The following FHIP2A variants were observed in gnomAD, a reference collection of about 807,000 sequenced individuals.
FHIP2A encodes family with sequence similarity 160 member B1.
FHIP2A carries 46 observed loss-of-function variants against 93.5 expected under a neutral mutation model. The observed-to-expected ratio is 0.49, with a 90% CI of 0.39 to 0.63. FHIP2A has a LOEUF of 0.63. FHIP2A is among the 20% of genes least tolerant of loss of function. The pLI is 0.00. For synonymous variants in FHIP2A, 332 were observed against 326.5 expected (o/e 1.02, Z -0.18); for missense variants, 769 against 909.7 (o/e 0.85, Z 1.99).
intron 1 of FHIP2A, 109 bp from the exon 2 acceptor site, chr10:114,830,743 C>T: frequency 8.9e-6 from 5 of 562,382 alleles, no homozygotes; most frequent in Non-Finnish European, 1.2e-5. Context: ...CAAAGTTCAC[C>T]CCTTATTTTT....
At chr10:114,827,668 G>C (rs557468618) in intron 1 of FHIP2A, among the ~76,000 whole-genome samples, 4 of 152,170 alleles carry the variant, frequency 2.6e-5, no homozygotes, top group African/African-American at 4.8e-5. Flanking sequence ...GTGGTAGCAG[G>C]CGCCTGTAGT....
chr10:114,888,666 G>A (rs954268019), intron 16 of FHIP2A, among the ~76,000 whole-genome samples: 5 of 151,904 alleles, frequency 3.3e-5, no homozygotes, highest in Non-Finnish European at 5.9e-5. Flanking sequence ...GCAATGGTGC[G>A]ATCTTAGCTC....
At chr10:114,896,230 CAAGCAAACAAAAAAAA>C (rs2084000682) in intron 16 of FHIP2A, among the ~76,000 whole-genome samples, 1 of 151,302 alleles carries the variant, frequency 6.6e-6, no homozygotes, top group Admixed American at 6.6e-5. Context: ...ACTATAGAAA[CAAGCAAACAAAAAAAA>C]AAGCAACATG....
intron 16 of FHIP2A, among the ~76,000 whole-genome samples, chr10:114,877,836 C>T (rs1440480006): frequency 6.6e-6 from 1 of 151,744 alleles, no homozygotes; most frequent in Non-Finnish European, 1.5e-5. Context: ...AATAATAACA[C>T]CCTTGGAGAG....
chr10:114,890,256 G>A (rs183025348), intron 16 of FHIP2A, among the ~76,000 whole-genome samples: 37 of 152,044 alleles, frequency 2.4e-4, no homozygotes, highest in Non-Finnish European at 2.9e-5. Flanking sequence ...TTGAACTCCT[G>A]ACCTCAAGTG....
Position 114,833,475 on chromosome 10 carries a change from C to G in FHIP2A, c.294+73C>G, listed in dbSNP as rs12413060. 3,628 of 1,348,184 alleles carry G rather than the reference C, an allele frequency of 2.7e-3. 153 individuals are homozygous for G. The Admixed American group carries it at 0.066, about 24-fold the overall frequency. The allele number at this position is 1,348,184 out of a possible 1,614,324, so 83.5% of individuals were successfully genotyped here. ...AATGTCTTACGAATAAAGAAGCTGC[C>G]AAATACTTGATTATAAAGGTACATA... On this transcript the variant is annotated intron_variant, in intron 3 of 16. Transcript: ENST00000369248.
At chr10:114,848,611 G>A in intron 12 of FHIP2A, 36 bp from the exon 13 acceptor site, 1 of 1,151,470 alleles carries the variant, frequency 8.7e-7, no homozygotes, top group Non-Finnish European at 1.3e-6. Context: ...TCATGCAAAT[G>A]GACATCTTGC....
chr10:114,896,127 C>T (rs1407084868), intron 16 of FHIP2A, among the ~76,000 whole-genome samples: 1 of 152,032 alleles, frequency 6.6e-6, no homozygotes, highest in African/African-American at 2.4e-5. Flanking sequence ...GCTGCTACTA[C>T]ACAATGGGGA....
At chr10:114,849,558 G>GT (rs2083722353) in intron 13 of FHIP2A, among the ~76,000 whole-genome samples, 1 of 152,024 alleles carries the variant, frequency 6.6e-6, no homozygotes, top group Non-Finnish European at 1.5e-5. Flanking sequence ...ATTTTACATC[G>GT]TAAGATTTTA....
intron 16 of FHIP2A, among the ~76,000 whole-genome samples, chr10:114,877,849 A>G (rs554846091): frequency 9.4e-5 from 14 of 148,806 alleles, no homozygotes; most frequent in African/African-American, 3.0e-4. Context: ...TTGGAGAGCT[A>G]GCAAGTTGTT....
At chr10:114,896,368 G>A (rs986265461) in intron 16 of FHIP2A, among the ~76,000 whole-genome samples, 22 of 152,108 alleles carry the variant, frequency 1.4e-4, no homozygotes, top group African/African-American at 5.3e-4. Flanking sequence ...ATGGATTCTG[G>A]GAGGAGGAAA....
intron 16 of FHIP2A, among the ~76,000 whole-genome samples, chr10:114,894,853 C>A (rs532297269): frequency 5.3e-5 from 8 of 152,166 alleles, no homozygotes; most frequent in African/African-American, 9.7e-5. Flanking sequence ...ATGTTAATTT[C>A]TTCTACTATC....
At chr10:114,896,618 C>G (rs1045571436) in intron 16 of FHIP2A, among the ~76,000 whole-genome samples, 1 of 152,220 alleles carries the variant, frequency 6.6e-6, no homozygotes, top group Admixed American at 6.5e-5. Context: ...TTTCACCTAT[C>G]TGTGACCTGG....
chr10:114,882,382 C>A (rs1171390258), intron 16 of FHIP2A, among the ~76,000 whole-genome samples: 1 of 152,134 alleles, frequency 6.6e-6, no homozygotes, highest in Non-Finnish European at 1.5e-5. Context: ...TGGTATATAT[C>A]CCAATGCTCA....
At chr10:114,861,015 T>A (rs2083795261) in intron 15 of FHIP2A, 126 bp downstream of exon 15, 1 of 1,072,682 alleles carries the variant, frequency 9.3e-7, no homozygotes, top group Admixed American at 2.2e-5. Flanking sequence ...GTAATTATTA[T>A]ACATTCTGAA....
At chr10:114,822,929 CTAAT>C (rs1243843251) in intron 1 of FHIP2A, among the ~76,000 whole-genome samples, 1 of 152,174 alleles carries the variant, frequency 6.6e-6, no homozygotes, top group Non-Finnish European at 1.5e-5. Flanking sequence ...TCCTAGTAGA[CTAAT>C]AAGTGAAAAG....
intron 14 of FHIP2A, among the ~76,000 whole-genome samples, chr10:114,858,508 C>T (rs1233265047): frequency 1.3e-5 from 2 of 151,636 alleles, no homozygotes; most frequent in Non-Finnish European, 2.9e-5. Context: ...AATTTAGTGA[C>T]CTAAAAATCT....
intron 16 of FHIP2A, among the ~76,000 whole-genome samples, chr10:114,894,710 A>G (rs1034030097): frequency 2.0e-5 from 3 of 152,162 alleles, no homozygotes; most frequent in African/African-American, 7.2e-5. Context: ...ATTAGTGGGG[A>G]CTATCAATGC....
rs977332616 is a variant in FHIP2A, at chr10:114,864,605, G to A, written c.*3065G>A. ...GAGAAACTCTTCAGATGGTCATTGT[G>A]TACCTACTCTCTCTTCAAAGGAAGT... On this transcript the variant is annotated 3_prime_UTR_variant, in exon 17 of 17. Coordinates refer to ENST00000369248, the MANE Select transcript of FHIP2A (RefSeq NM_020940.4). 1.0e-6 allele frequency: 1 copy of A among 985,784 alleles called. No individual in the cohort carries two copies. The highest frequency in any genetic ancestry group is 4.7e-5 in the South Asian group (1 of 21,282). 61.1% of individuals were successfully genotyped at this position (985,784 alleles called of 1,614,324 possible).
Sources: allele counts gnomAD v4.1 joint callset (sites outside exome capture counted in the v4.1 genomes callset), GRCh38; gene constraint gnomAD v4.1.1; transcripts MANE v1.5; gene names NCBI Gene and HGNC (gene_info 2026-07-23, HGNC 2026-07-21).